CTNNA2: variants seen among roughly 807,000 people sequenced by gnomAD.
CTNNA2 encodes catenin alpha 2, also known as catenin alpha-2.
A neutral mutation model predicts 101.0 loss-of-function variants in CTNNA2; 42 were observed. The ratio of observed to expected loss-of-function variants is 0.42; its 90% CI spans 0.32 to 0.54. The LOEUF is 0.54. CTNNA2 is among the 20% of genes least tolerant of loss of function. The probability of loss-of-function intolerance (pLI) is 0.14; values close to 1 mark genes in which losing one functional copy is unlikely to be tolerated. For missense variants in CTNNA2, 871 were observed against 1,223.1 expected (o/e 0.71, Z 4.29); for synonymous variants, 450 against 456.4 (o/e 0.99, Z 0.18).
chr2:80,311,644 G>A (rs993915007), intron 7 of CTNNA2, among the ~76,000 whole-genome samples: 1 of 152,220 alleles, frequency 6.6e-6, no homozygotes, highest in Non-Finnish European at 1.5e-5. Context: ...TCTGAAAATG[G>A]ATTAATCCAG....
intron 3 of CTNNA2, among the ~76,000 whole-genome samples, chr2:79,752,379 G>T (rs1233247077): frequency 2.0e-5 from 3 of 152,190 alleles, no homozygotes; most frequent in African/African-American, 7.2e-5. Context: ...AGAGTGTTCA[G>T]AGATTGTGGA....
intron 2 of CTNNA2, among the ~76,000 whole-genome samples, chr2:79,263,253 G>T (rs182967805): frequency 6.6e-6 from 1 of 152,264 alleles, no homozygotes. Context: ...CTAGTGGGAG[G>T]TGTTTGGGTC....
chr2:80,348,848 G>T, intron 7 of CTNNA2, among the ~76,000 whole-genome samples: 1 of 152,172 alleles, frequency 6.6e-6, no homozygotes, highest in African/African-American at 2.4e-5. Context: ...GCTGGGTAGG[G>T]TAGCTTGAAA....
chr2:80,248,860 T>G, intron 7 of CTNNA2, among the ~76,000 whole-genome samples: 1 of 152,228 alleles, frequency 6.6e-6, no homozygotes, highest in East Asian at 1.9e-4. Flanking sequence ...TTCAGTAAGT[T>G]AAGAAAATGT....
intron 2 of CTNNA2, among the ~76,000 whole-genome samples, chr2:79,686,114 A>G (rs1683912745): frequency 6.6e-6 from 1 of 152,168 alleles, no homozygotes; most frequent in Admixed American, 6.5e-5. Context: ...GTGATTAAGA[A>G]ACGTAAAAAA....
intron 7 of CTNNA2, among the ~76,000 whole-genome samples, chr2:80,184,000 A>T (rs1416348848): frequency 6.6e-6 from 1 of 152,058 alleles, no homozygotes; most frequent in Non-Finnish European, 1.5e-5. Flanking sequence ...AACAACTAAA[A>T]GTCATTCTGA....
At chr2:80,012,401 G>C (rs1288660271) in intron 7 of CTNNA2, among the ~76,000 whole-genome samples, 3 of 152,128 alleles carry the variant, frequency 2.0e-5, no homozygotes, top group African/African-American at 7.2e-5. Context: ...CTGTCTTGTT[G>C]CCTCTTGAGA....
intron 17 of CTNNA2, among the ~76,000 whole-genome samples, chr2:80,610,435 G>A (rs1240907469): frequency 2.0e-5 from 3 of 151,528 alleles, no homozygotes; most frequent in Non-Finnish European, 4.4e-5. Context: ...ATGTGGCATG[G>A]CAAAGTTGCT....
intron 1 of CTNNA2, among the ~76,000 whole-genome samples, chr2:79,556,396 G>A (rs1674446357): frequency 6.6e-6 from 1 of 151,976 alleles, no homozygotes; most frequent in Non-Finnish European, 1.5e-5. Context: ...AGCATTATGT[G>A]TACTGACCCC....
intron 1 of CTNNA2, among the ~76,000 whole-genome samples, chr2:79,592,473 C>T (rs764773151): frequency 1.1e-4 from 17 of 152,052 alleles, no homozygotes. Context: ...AACACCTGAT[C>T]ATGTGGGAAA....
intron 7 of CTNNA2, among the ~76,000 whole-genome samples, chr2:80,364,169 C>A (rs778212767): frequency 6.6e-6 from 1 of 152,028 alleles, no homozygotes; most frequent in Non-Finnish European, 1.5e-5. Flanking sequence ...TAAGTTTTGC[C>A]TCAGGAGAAA....
intron 2 of CTNNA2, among the ~76,000 whole-genome samples, chr2:79,733,259 A>T (rs932233829): frequency 6.6e-6 from 1 of 152,106 alleles, no homozygotes; most frequent in Non-Finnish European, 1.5e-5. Flanking sequence ...GGACACTGGG[A>T]TGAGATTCAC....
At chr2:80,617,473 G>A (rs1313192054) in intron 17 of CTNNA2, among the ~76,000 whole-genome samples, 2 of 151,792 alleles carry the variant, frequency 1.3e-5, no homozygotes, top group Non-Finnish European at 1.5e-5. Context: ...AAATGATACA[G>A]CAAGGAAAAT....
At chr2:79,751,496 T>TGAGGCA (rs995035418) in intron 3 of CTNNA2, among the ~76,000 whole-genome samples, 1 of 147,344 alleles carries the variant, frequency 6.8e-6, no homozygotes, top group Admixed American at 7.0e-5. Flanking sequence ...GGCGGGAGGC[T>TGAGGCA]GAGGCAGTAG....
At chr2:80,592,288 G>T (rs1233238781) in intron 15 of CTNNA2, among the ~76,000 whole-genome samples, 2 of 152,090 alleles carry the variant, frequency 1.3e-5, no homozygotes, top group African/African-American at 4.8e-5. Flanking sequence ...CGCTTTACTG[G>T]TCTTTCAGTT....
intron 2 of CTNNA2, among the ~76,000 whole-genome samples, chr2:79,287,008 A>T (rs939719671): frequency 6.6e-6 from 1 of 151,786 alleles, no homozygotes; most frequent in African/African-American, 2.4e-5. Flanking sequence ...CATTCATTTC[A>T]TCTTCCATCG....
chr2:79,569,399 C>T (rs1049906813), intron 1 of CTNNA2, among the ~76,000 whole-genome samples: 3 of 152,004 alleles, frequency 2.0e-5, no homozygotes, highest in East Asian at 1.9e-4. Context: ...GACTGAGAAA[C>T]GATGGAAGAT....
intron 3 of CTNNA2, among the ~76,000 whole-genome samples, chr2:79,828,462 T>C (rs13384969): frequency 5.3e-5 from 8 of 152,228 alleles, no homozygotes; most frequent in African/African-American, 1.4e-4. Flanking sequence ...AAAATGAATG[T>C]AGATAATTTA....
intron 7 of CTNNA2, among the ~76,000 whole-genome samples, chr2:80,045,413 T>G (rs2104301334): frequency 6.6e-6 from 1 of 152,362 alleles, no homozygotes; most frequent in Non-Finnish European, 1.5e-5. Flanking sequence ...TCCCATTTTT[T>G]AAGCTTCCCC....
Sources: allele counts gnomAD v4.1 joint callset (sites outside exome capture counted in the v4.1 genomes callset), GRCh38; gene constraint gnomAD v4.1.1; transcripts MANE v1.5; gene names NCBI Gene and HGNC (gene_info 2026-07-23, HGNC 2026-07-21).